Variants in FBXL17 observed in about 807,000 individuals in gnomAD.
FBXL17 encodes the protein F-box/LRR-repeat protein 17.
FBXL17 carries 22 observed loss-of-function variants against 66.2 expected under a neutral mutation model. That is an observed-to-expected ratio of 0.33 (90% CI 0.24 to 0.47). The LOEUF is 0.47. Ranked by LOEUF, FBXL17 falls within the 20% of genes least tolerant of loss-of-function variation. FBXL17 has a pLI of 1.00. For synonymous variants in FBXL17, 474 were observed against 400.5 expected, an observed-to-expected ratio of 1.18 and a Z score of -2.19; for missense variants, 878 against 948.2, an observed-to-expected ratio of 0.93 and a Z score of 0.97.
chr5:107,864,486 T>C (rs942473483), intron 8 of FBXL17, among the ~76,000 whole-genome samples: 1 of 152,212 alleles, frequency 6.6e-6, no homozygotes, highest in African/African-American at 2.4e-5. Flanking sequence ...TACTTTGGCA[T>C]GGTTTGGATA....
intron 6 of FBXL17, among the ~76,000 whole-genome samples, chr5:108,076,994 T>C (rs984838173): frequency 1.3e-5 from 2 of 152,204 alleles, no homozygotes; most frequent in Non-Finnish European, 2.9e-5. Flanking sequence ...ATGGTTCTTT[T>C]ACAAGGTTCC....
intron 6 of FBXL17, among the ~76,000 whole-genome samples, chr5:108,100,290 G>T (rs1749551123): frequency 6.6e-6 from 1 of 152,098 alleles, no homozygotes; most frequent in Non-Finnish European, 1.5e-5. Flanking sequence ...TCAGAAAAAA[G>T]TTTTTAACTT....
chr5:108,154,436 C>T (rs991543013), intron 6 of FBXL17, among the ~76,000 whole-genome samples: 14 of 150,416 alleles, frequency 9.3e-5, no homozygotes, highest in Non-Finnish European at 1.8e-4. Flanking sequence ...ACTAAAAACA[C>T]AAAATTAGCT....
At chr5:108,316,864 T>G (rs1481783445) in intron 4 of FBXL17, among the ~76,000 whole-genome samples, 1 of 151,272 alleles carries the variant, frequency 6.6e-6, no homozygotes, top group African/African-American at 2.4e-5. Flanking sequence ...CTGGAAACTT[T>G]GTAAGTTATT....
At chr5:107,906,391 A>G (rs981066912) in intron 7 of FBXL17, among the ~76,000 whole-genome samples, 2 of 152,228 alleles carry the variant, frequency 1.3e-5, no homozygotes, top group Non-Finnish European at 2.9e-5. Context: ...AAGCACTTTG[A>G]ACATAAAAAC....
At chr5:108,280,993 T>C (rs1380681752) in intron 4 of FBXL17, among the ~76,000 whole-genome samples, 2 of 151,666 alleles carry the variant, frequency 1.3e-5, no homozygotes, top group African/African-American at 4.8e-5. Context: ...ATATATATGC[T>C]CCCAACAGTG....
intron 6 of FBXL17, among the ~76,000 whole-genome samples, chr5:108,068,356 T>C (rs1748191460): frequency 6.6e-6 from 1 of 151,988 alleles, no homozygotes; most frequent in Non-Finnish European, 1.5e-5. Flanking sequence ...ATCAAAAACT[T>C]TGAGTCAAAG....
intron 4 of FBXL17, among the ~76,000 whole-genome samples, chr5:108,278,852 G>A (rs1189932139): frequency 2.0e-5 from 3 of 152,194 alleles, no homozygotes; most frequent in African/African-American, 4.8e-5. Flanking sequence ...GGGGTCCTGA[G>A]TGCAAGCTTG....
intron 6 of FBXL17, among the ~76,000 whole-genome samples, chr5:108,029,314 T>C (rs1754944074): frequency 6.6e-6 from 1 of 152,052 alleles, no homozygotes; most frequent in African/African-American, 2.4e-5. Context: ...ACATATTCAT[T>C]CAGAAATAAG....
chr5:107,861,752 A>G lies in FBXL17; in HGVS notation c.2074T>C (p.Trp692Arg). Reference protein sequence around the residue: ...RTLERAYQMGWTPNMSAASS With the variant: ...RTLERAYQMGRTPNMSAASS ...GAGGCGGCAGACATGTTGGGGGTCC[A>G]GCCCATCTGATAGGCTCTCTCCAAG... Residue 692 changes from tryptophan (W) to arginine (R), a missense_variant, in exon 9 of 9, where the codon TGG becomes CGG. Physicochemically the swap from Trp to Arg is moderately radical, Grantham distance 101 (BLOSUM62 -3). Around this residue, in one of 4 missense-constraint regions of FBXL17, gnomAD observed 31 missense variants for 27.0 expected, o/e 1.15. Transcript: ENST00000542267. 1 of 1,585,748 alleles carries G rather than the reference A, an allele frequency of 6.3e-7. No individual in the cohort carries two copies. Among genetic ancestry groups the G allele is most frequent in the East Asian group, 2.3e-5 (1 of 43,014 alleles).
chr5:108,230,725 A>G (rs1755296854), intron 4 of FBXL17, among the ~76,000 whole-genome samples: 2 of 105,716 alleles, frequency 1.9e-5, no homozygotes, highest in South Asian at 6.3e-4. Context: ...ATGGAAATAA[A>G]TTTAAAAAAA....
intron 6 of FBXL17, among the ~76,000 whole-genome samples, chr5:108,036,322 G>A (rs944227913): frequency 1.3e-5 from 2 of 152,154 alleles, no homozygotes; most frequent in Non-Finnish European, 2.9e-5. Flanking sequence ...GATTCCATGA[G>A]AGTCACAAGG....
At chr5:107,931,076 G>C (rs1003464881) in intron 7 of FBXL17, among the ~76,000 whole-genome samples, 2 of 152,042 alleles carry the variant, frequency 1.3e-5, no homozygotes, top group Non-Finnish European at 2.9e-5. Context: ...CGGTTGAATT[G>C]AGCAGAACAA....
At chr5:108,302,977 ACACT>A (rs557668349) in intron 4 of FBXL17, among the ~76,000 whole-genome samples, 163 of 151,980 alleles carry the variant, frequency 1.1e-3, no homozygotes, top group African/African-American at 3.7e-3. Flanking sequence ...AAACCTGCAA[ACACT>A]CACATTTTAA....
chr5:107,922,516 A>G (rs1466089202), intron 7 of FBXL17, among the ~76,000 whole-genome samples: 1 of 152,204 alleles, frequency 6.6e-6, no homozygotes, highest in Non-Finnish European at 1.5e-5. Flanking sequence ...AGCTCCATGA[A>G]TAAGAATGAG....
chr5:108,035,105 G>C lies in FBXL17; in HGVS notation c.1746-14104C>G, dbSNP rs973183242. On this transcript the variant is annotated intron_variant, in intron 6 of 8. Transcript: ENST00000542267. Reference sequence around the variant, plus strand: ...CAAATTTAAAGAAATTGATCTCTCAGTGTGTAGTTATGTACCTTTATAGTT... The same window carrying C: ...CAAATTTAAAGAAATTGATCTCTCACTGTGTAGTTATGTACCTTTATAGTT... 1.4e-4 allele frequency among the ~76,000 whole-genome samples: 22 copies of C among 152,276 alleles called. No homozygotes were observed. In the East Asian group the frequency reaches 4.2e-3, roughly 29 times the overall value.
chr5:108,249,939 A>G (rs1265502201), intron 4 of FBXL17, among the ~76,000 whole-genome samples: 8 of 152,130 alleles, frequency 5.3e-5, no homozygotes, highest in Non-Finnish European at 1.2e-4. Context: ...AAATAGTAAG[A>G]AGGAGCTGAC....
At chr5:108,079,000 C>G (rs1368899573) in intron 6 of FBXL17, among the ~76,000 whole-genome samples, 2 of 152,014 alleles carry the variant, frequency 1.3e-5, no homozygotes, top group Non-Finnish European at 2.9e-5. Context: ...AATCTTCCAG[C>G]CTTGAACGAT....
chr5:108,205,245 G>T (rs1219909811), intron 5 of FBXL17, among the ~76,000 whole-genome samples: 2 of 151,820 alleles, frequency 1.3e-5, no homozygotes, highest in Non-Finnish European at 2.9e-5. Context: ...TCCTTTATTG[G>T]CCTATGCACT....
Sources: gnomAD v4.1 joint callset for allele counts (sites outside exome capture counted in the v4.1 genomes callset) on GRCh38, gnomAD v4.1.1 for gene constraint, gnomAD v4.1.1 regional missense constraint, MANE v1.5 for transcripts, NCBI Gene and HGNC (gene_info 2026-07-23, HGNC 2026-07-21) for gene names.